CC2D2B: variants seen among roughly 807,000 people sequenced by gnomAD.
The protein encoded by CC2D2B is protein CC2D2B.
In CC2D2B, 128 loss-of-function variants were observed where a neutral mutation model predicts 161.2. That is an observed-to-expected ratio of 0.79 (90% CI 0.69 to 0.92). The LOEUF is 0.92. Ranked by LOEUF, CC2D2B falls within the 40% of genes least tolerant of loss-of-function variation. The probability of loss-of-function intolerance (pLI) is 0.00; values close to 1 mark genes in which losing one functional copy is unlikely to be tolerated. For missense variants in CC2D2B, 1,173 were observed against 1,375.1 expected (o/e 0.85, Z 2.32); for synonymous variants, 391 against 449.8 (o/e 0.87, Z 1.65).
chr10:95,971,935 T>G, intron 15 of CC2D2B, 131 bp from the exon 16 acceptor site: 1 of 448,312 alleles, frequency 2.2e-6, no homozygotes, highest in Non-Finnish European at 3.6e-6. Flanking sequence ...ATCATGTGGA[T>G]GAAATGCTAT....
intron 9 of CC2D2B, among the ~76,000 whole-genome samples, chr10:95,939,213 C>T (rs1467426876): frequency 6.6e-6 from 1 of 152,060 alleles, no homozygotes; most frequent in Non-Finnish European, 1.5e-5. Context: ...CTCAAGGTAG[C>T]CACTATTATA....
chr10:95,910,099 T>C (rs1331418899), intron 1 of CC2D2B, among the ~76,000 whole-genome samples: 4 of 151,516 alleles, frequency 2.6e-5, no homozygotes, highest in Admixed American at 2.0e-4. Context: ...AAGGCTGTAA[T>C]GAGCTGTCAT....
intron 17 of CC2D2B, among the ~76,000 whole-genome samples, chr10:95,979,344 C>T (rs2077430985): frequency 3.9e-5 from 6 of 152,134 alleles, no homozygotes; most frequent in Non-Finnish European, 8.8e-5. Context: ...CATCACAGAT[C>T]TAGGTATCTG....
At chr10:95,940,267 C>G (rs903109187) in intron 9 of CC2D2B, among the ~76,000 whole-genome samples, 11 of 152,150 alleles carry the variant, frequency 7.2e-5, no homozygotes, top group African/African-American at 2.7e-4. Context: ...CCCCCATGAT[C>G]CAATCACTTT....
At chr10:95,980,258 C>T (rs139521601) in intron 17 of CC2D2B, among the ~76,000 whole-genome samples, 2,723 of 152,140 alleles carry the variant, frequency 0.018, 40 homozygotes, top group Middle Eastern at 0.045. Context: ...CTGGTTTTGA[C>T]CCAAGAACAG....
intron 10 of CC2D2B, among the ~76,000 whole-genome samples, chr10:95,953,095 A>G (rs1174246948): frequency 6.6e-6 from 1 of 152,178 alleles, no homozygotes; most frequent in African/African-American, 2.4e-5. Context: ...AAGAATATAT[A>G]TATTTTTCTA....
chr10:95,933,127 A>C (rs925268197), intron 6 of CC2D2B, among the ~76,000 whole-genome samples: 3 of 151,866 alleles, frequency 2.0e-5, no homozygotes, highest in African/African-American at 7.3e-5. Context: ...TATTTCATTA[A>C]GTTGATCTTC....
At chr10:95,993,944 A>ATT in intron 22 of CC2D2B, among the ~76,000 whole-genome samples, 1 of 23,066 alleles carries the variant, frequency 4.3e-5, no homozygotes, top group East Asian at 2.3e-3. Flanking sequence ...GTGTGTGTGT[A>ATT]TGTATGTGTA....
chr10:95,977,902 G>T (rs989971119), intron 17 of CC2D2B, among the ~76,000 whole-genome samples: 2 of 152,182 alleles, frequency 1.3e-5, no homozygotes, highest in Non-Finnish European at 2.9e-5. Flanking sequence ...TGGAATAAAG[G>T]TTACCAGGGA....
At chr10:95,934,916 G>A (rs184889768) in intron 6 of CC2D2B, among the ~76,000 whole-genome samples, 106 of 152,170 alleles carry the variant, frequency 7.0e-4, no homozygotes, top group African/African-American at 2.2e-3. Context: ...TGTCACCCAG[G>A]CTGGAGTGCA....
rs2077614674 is a variant in CC2D2B at position 95,983,665 on chromosome 10, T to C, written c.2142T>C (p.Asp714=). The C allele has an allele frequency of 8.1e-7, 1 of 1,231,572 alleles. No homozygotes were observed. The highest frequency in any genetic ancestry group is 1.0e-6 in the Non-Finnish European group (1 of 987,620). 76.3% of individuals were successfully genotyped at this position (1,231,572 alleles called of 1,614,324 possible). ...ATTTTCGTCTTGAACAGTTGCAAGA[T>C]GAATTTAACTTCGTTTCTGAAGAGG... ...PKYFRLEQLQ[D]EFNFVSEEEM... The change falls in exon 19 of 35, where the codon GAT becomes GAC. Residue 714 remains aspartate, a synonymous_variant. Coordinates refer to ENST00000646931, the MANE Select transcript of CC2D2B (RefSeq NM_001349008.3).
chr10:95,938,228 G>T, intron 7 of CC2D2B, 39 bp downstream of exon 7: 3 of 1,307,774 alleles, frequency 2.3e-6, no homozygotes, highest in South Asian at 2.6e-5. Context: ...AGTCATTAAC[G>T]AATTATGTTA....
chr10:95,980,461 T>C (rs906799223), intron 17 of CC2D2B, among the ~76,000 whole-genome samples: 3 of 152,174 alleles, frequency 2.0e-5, no homozygotes, highest in African/African-American at 7.2e-5. Flanking sequence ...ACGGGAAAAG[T>C]TTCTAATCTA....
chr10:95,974,268 T>C (rs2077240360), intron 17 of CC2D2B, 112 bp downstream of exon 17: 7 of 475,820 alleles, frequency 1.5e-5, no homozygotes, highest in Non-Finnish European at 2.3e-5. Context: ...GTTTAGTCTA[T>C]TTGAATGTTG....
intron 24 of CC2D2B, among the ~76,000 whole-genome samples, chr10:96,003,000 C>T (rs1002763924): frequency 7.2e-6 from 1 of 139,156 alleles, no homozygotes; most frequent in Admixed American, 7.1e-5. Flanking sequence ...GAAAGATAGA[C>T]CCTGTCTCAA....
Position 95,988,357 on chromosome 10 carries a change from T to C in CC2D2B, c.2379+15T>C. 6 of 1,139,436 alleles carry C rather than the reference T, an allele frequency of 5.3e-6. No individual in the cohort carries two copies. Among genetic ancestry groups the C allele is most frequent in the Non-Finnish European group, 6.7e-6 (6 of 902,108 alleles). The allele number at this position is 1,139,436 out of a possible 1,614,324, so 70.6% of individuals were successfully genotyped here. Reference sequence around the variant, plus strand: ...TTCTGAAAAAGGTAACAACACAGTATTATCAATATATTTGCATTTGTTTTT... The same window carrying C: ...TTCTGAAAAAGGTAACAACACAGTACTATCAATATATTTGCATTTGTTTTT... On this transcript the variant is annotated intron_variant, in intron 20 of 34. Transcript: ENST00000646931.
rs1242463047 is a variant in CC2D2B at position 95,927,264 on chromosome 10, G to C, written c.268G>C (p.Asp90His). 2 of 1,549,922 alleles carry C rather than the reference G, an allele frequency of 1.3e-6. No individual in the cohort carries two copies. The highest frequency in any genetic ancestry group is 1.7e-6 in the Non-Finnish European group (2 of 1,145,118). ...GTCTCCACAGACTGAAGTCTCATTG[G>C]ATGAAAGTCTTTCATTTTTCATTCT... is the stretch of plus-strand genomic sequence containing the variant. ...KLSPQTEVSL[D>H]ESLSFFILSG... Residue 90 changes from aspartate to histidine, a missense_variant, in exon 6 of 35, where the codon GAT becomes CAT. Transcript: ENST00000646931.
chr10:95,951,006 A>G (rs1314832116), intron 10 of CC2D2B, among the ~76,000 whole-genome samples: 1 of 152,050 alleles, frequency 6.6e-6, no homozygotes, highest in Non-Finnish European at 1.5e-5. Flanking sequence ...TTCAGTAGAG[A>G]TGGGGTTTTG....
chr10:96,021,554 A>G (rs1215229993), intron 32 of CC2D2B: 1 of 152,252 alleles, frequency 6.6e-6, no homozygotes, highest in African/African-American at 2.4e-5. Flanking sequence ...ATCACTGGCC[A>G]AGAGTCATGC....
Sources: gnomAD v4.1 joint callset for allele counts (sites outside exome capture counted in the v4.1 genomes callset) on GRCh38, gnomAD v4.1.1 for gene constraint, MANE v1.5 for transcripts, NCBI Gene and HGNC (gene_info 2026-07-23, HGNC 2026-07-21) for gene names.